The following SLC9A2 variants were observed in gnomAD, a reference collection of about 807,000 sequenced individuals.
SLC9A2 encodes the protein sodium/hydrogen exchanger 2.
SLC9A2 carries 42 observed loss-of-function variants against 71.7 expected under a neutral mutation model. The ratio of observed to expected loss-of-function variants is 0.59; its 90% confidence interval spans 0.46 to 0.76. The LOEUF (loss-of-function observed/expected upper bound fraction) is 0.76. Ranked by LOEUF, SLC9A2 falls within the 30% of genes least tolerant of loss-of-function variation. The pLI is 0.00. For synonymous variants in SLC9A2, 396 were observed against 392.5 expected, an observed-to-expected ratio of 1.01 and a Z score of -0.10; for missense variants, 829 against 1,017.4, an observed-to-expected ratio of 0.81 and a Z score of 2.52.
At chr2:102,637,104 C>T (rs1466089044) in intron 1 of SLC9A2, among the ~76,000 whole-genome samples, 1 of 152,196 alleles carries the variant, frequency 6.6e-6, no homozygotes, top group African/African-American at 2.4e-5. Flanking sequence ...TCCGTTGAAT[C>T]TGTTTCATAG....
chr2:102,641,468 G>C (rs949076334), intron 1 of SLC9A2, among the ~76,000 whole-genome samples: 1 of 151,404 alleles, frequency 6.6e-6, no homozygotes, highest in Non-Finnish European at 1.5e-5. Context: ...AGTTTTGCAC[G>C]TGCCGTTCTG....
At chr2:102,697,685 G>A (rs1186909067) in intron 7 of SLC9A2, among the ~76,000 whole-genome samples, 4 of 146,908 alleles carry the variant, frequency 2.7e-5, no homozygotes, top group East Asian at 2.1e-4. Context: ...GGAAGTGGGT[G>A]CGGGGGGATG....
At chr2:102,670,793 T>TA (rs1677233603) in intron 3 of SLC9A2, among the ~76,000 whole-genome samples, 1 of 149,288 alleles carries the variant, frequency 6.7e-6, no homozygotes, top group Non-Finnish European at 1.5e-5. Context: ...TTTTTCTTTG[T>TA]AGGAGCTGAT....
At chr2:102,654,023 C>A (rs147802690) in intron 1 of SLC9A2, among the ~76,000 whole-genome samples, 4 of 152,214 alleles carry the variant, frequency 2.6e-5, no homozygotes, top group African/African-American at 9.6e-5. Flanking sequence ...TGTTAGGAAC[C>A]TTTCCACAAT....
At chr2:102,631,996 ATAT>A in intron 1 of SLC9A2, among the ~76,000 whole-genome samples, 1 of 12,086 alleles carries the variant, frequency 8.3e-5, no homozygotes, top group African/African-American at 4.6e-4. Flanking sequence ...GAAAGTGGGG[ATAT>A]ATATATATAT....
chr2:102,669,813 C>T (rs778863100), intron 3 of SLC9A2, among the ~76,000 whole-genome samples: 8 of 152,008 alleles, frequency 5.3e-5, no homozygotes, highest in Non-Finnish European at 1.0e-4. Flanking sequence ...CAACTTAAGC[C>T]AAAGTTTGTT....
At chr2:102,693,901 T>C (rs1033526545) in intron 5 of SLC9A2, among the ~76,000 whole-genome samples, 1 of 152,178 alleles carries the variant, frequency 6.6e-6, no homozygotes, top group African/African-American at 2.4e-5. Context: ...GAAGGAGTCA[T>C]TGATAAGTTT....
chr2:102,659,286 A>G (rs1391131134), intron 2 of SLC9A2, among the ~76,000 whole-genome samples: 1 of 151,630 alleles, frequency 6.6e-6, no homozygotes, highest in African/African-American at 2.4e-5. Flanking sequence ...AAAAAAAAAA[A>G]AAAAATTAGC....
chr2:102,619,758 C>A lies in SLC9A2; in HGVS notation c.-91C>A. ...TGTCGCTGCCCTGCCCTGCACGGGG[C>A]AGGGCGGAGCGGGCTGAGCAGCCCG... On this transcript the variant is annotated 5_prime_UTR_variant, in exon 1 of 12. Transcript: ENST00000233969. The surrounding 1 kb of genome is among the most constrained non-coding windows in gnomAD (Gnocchi z 4.3). 2.4e-6 allele frequency: 3 copies of A among 1,245,096 alleles called. No individual in the cohort carries two copies. Among genetic ancestry groups the A allele is most frequent in the Non-Finnish European group, 3.2e-6 (3 of 935,254 alleles). 77.1% of individuals were successfully genotyped at this position (1,245,096 alleles called of 1,614,324 possible).
intron 2 of SLC9A2, among the ~76,000 whole-genome samples, chr2:102,660,398 G>A (rs1035303511): frequency 2.0e-5 from 3 of 152,332 alleles, no homozygotes; most frequent in East Asian, 1.9e-4. Flanking sequence ...TGCCCTGGCT[G>A]AGAGTCCATG....
intron 1 of SLC9A2, among the ~76,000 whole-genome samples, chr2:102,635,810 T>C (rs1676458230): frequency 6.6e-6 from 1 of 152,332 alleles, no homozygotes; most frequent in East Asian, 1.9e-4. Context: ...TGAGAGGTGA[T>C]GGTTTTGCTA....
intron 1 of SLC9A2, among the ~76,000 whole-genome samples, chr2:102,629,997 A>T (rs1403344456): frequency 6.6e-6 from 1 of 152,120 alleles, no homozygotes; most frequent in Non-Finnish European, 1.5e-5. Context: ...TTCCTAGAAC[A>T]TGAAAGTATT....
In SLC9A2 at chr2:102,684,267, T is replaced by C. The variant is rs756350118; in HGVS notation, c.1356T>C (p.Ala452=). 1.9e-6 allele frequency: 3 copies of C among 1,614,236 alleles called. No individual in the cohort carries two copies. Among genetic ancestry groups the C allele is most frequent in the South Asian group, 1.1e-5 (1 of 91,088 alleles). The part of the protein sequence containing the change: ...CFALVFLLPA[A]VFPRKKLFIT... ...CGTTAGTGTTTCTCCTTCCTGCTGC[T>C]GTGTTTCCTCGGAAAAAATTGTTTA... The change falls in exon 5 of 12, where the codon GCT becomes GCC. Residue 452 remains alanine (A), a synonymous_variant. Coordinates refer to ENST00000233969, the MANE Select transcript of SLC9A2 (RefSeq NM_003048.6).
chr2:102,631,276 T>C lies in SLC9A2; in HGVS notation c.289+11139T>C, dbSNP rs1262177797. Among the ~76,000 whole-genome samples, 3 of 151,982 alleles carry C rather than the reference T, an allele frequency of 2.0e-5. No homozygotes were observed. The East Asian group carries it at 5.8e-4, about 29-fold the overall frequency. The stretch of plus-strand genomic sequence containing the variant: ...TATTTCTTTTCCTTCCTTTTTTTCT[T>C]GGCTAAAAGCATCTTTTCTTTTTTT... On this transcript the variant is annotated intron_variant, in intron 1 of 11. Coordinates refer to ENST00000233969, the MANE Select transcript of SLC9A2 (RefSeq NM_003048.6).
At chr2:102,633,374 A>T (rs1488873767) in intron 1 of SLC9A2, among the ~76,000 whole-genome samples, 1 of 152,002 alleles carries the variant, frequency 6.6e-6, no homozygotes, top group African/African-American at 2.4e-5. Flanking sequence ...AAAATATCAC[A>T]CTTCCGGTGT....
chr2:102,702,625 C>A, intron 9 of SLC9A2, 123 bp downstream of exon 9: 2 of 614,178 alleles, frequency 3.3e-6, no homozygotes, highest in Non-Finnish European at 2.9e-6. Flanking sequence ...TGCTGGGCAT[C>A]TTCTCTCCTT....
chr2:102,651,626 C>T (rs748440741), intron 1 of SLC9A2, among the ~76,000 whole-genome samples: 1 of 152,214 alleles, frequency 6.6e-6, no homozygotes, highest in Non-Finnish European at 1.5e-5. Context: ...TCTCTCACTG[C>T]TCTCTGCTTT....
At position 102,683,474 on chromosome 2, in the gene SLC9A2, C is replaced by A; in HGVS notation, c.1218C>A (p.Ala406=). The A allele has an allele frequency of 6.2e-7, 1 of 1,613,670 alleles. No individual in the cohort carries two copies. Among genetic ancestry groups the A allele is most frequent in the Non-Finnish European group, 8.5e-7 (1 of 1,179,606 alleles). The change falls in exon 4 of 12, where the codon GCC becomes GCA. Residue 406 remains alanine, a synonymous_variant. Coordinates refer to ENST00000233969, the MANE Select transcript of SLC9A2 (RefSeq NM_003048.6). The part of the protein sequence containing the change: ...FTLAFCLMWR[A]LGVFVLTQVI... ...TGGCCTTCTGCCTCATGTGGCGAGC[C>A]CTGGGTAATGAGTGCTTGTTTGCTA... is the stretch of plus-strand genomic sequence containing the variant.
chr2:102,674,435 C>G (rs569997817), intron 3 of SLC9A2, among the ~76,000 whole-genome samples: 13 of 152,174 alleles, frequency 8.5e-5, no homozygotes, highest in Non-Finnish European at 1.8e-4. Flanking sequence ...CCTGCAGCTC[C>G]TCTTGATGCT....
Sources: gnomAD v4.1 joint callset for allele counts (sites outside exome capture counted in the v4.1 genomes callset) on GRCh38, gnomAD v4.1.1 for gene constraint, Gnocchi (gnomAD v3.1) non-coding constraint, MANE v1.5 for transcripts, NCBI Gene and HGNC (gene_info 2026-07-23, HGNC 2026-07-21) for gene names.